The following PIK3C2G variants were observed in gnomAD, a reference collection of about 807,000 sequenced individuals.
PIK3C2G encodes the protein phosphatidylinositol-4-phosphate 3-kinase catalytic subunit type 2 gamma.
A neutral mutation model predicts 181.1 loss-of-function variants in PIK3C2G; 168 were observed. The observed-to-expected ratio is 0.93, with a 90% CI of 0.82 to 1.05. The LOEUF (loss-of-function observed/expected upper bound fraction) is 1.05, where lower values mean the gene tolerates loss of function less well. Ranked by LOEUF, PIK3C2G falls within the 50% of genes least tolerant of loss-of-function variation. The pLI, the probability that PIK3C2G is intolerant of heterozygous loss-of-function variation, is 0.00. For missense variants in PIK3C2G, 1,869 were observed against 1,732.8 expected (o/e 1.08, Z -1.40); for synonymous variants, 573 against 592.2 (o/e 0.97, Z 0.47).
chr12:18,299,588 A>G (rs1950091281), intron 5 of PIK3C2G, among the ~76,000 whole-genome samples: 2 of 151,934 alleles, frequency 1.3e-5, no homozygotes, highest in Admixed American at 6.6e-5. Flanking sequence ...GCTGAATAAG[A>G]GTGCTAAAGG....
At position 18,389,206 on chromosome 12, in the gene PIK3C2G, A is replaced by T. The variant is rs556980071; in HGVS notation, c.1996-1916A>T. Among the ~76,000 whole-genome samples the T allele has an allele frequency of 3.9e-5, 6 of 152,228 alleles. No individual in the cohort carries two copies. In the South Asian group the frequency reaches 1.2e-3, roughly 32 times the overall value. ...TCTCTACTAAAAATACAAAAAAATT[A>T]GCTGGGTGTGGTGGTGGGCACCTGT... On this transcript the variant is annotated intron_variant, in intron 14 of 32. Transcript: ENST00000538779.
chr12:18,691,015 G>A, the PIK3C2G span, among the ~76,000 whole-genome samples: 1 of 152,176 alleles, frequency 6.6e-6, no homozygotes, highest in South Asian at 2.1e-4. Flanking sequence ...ATGGAGGACT[G>A]AGACAGGCTA....
intron 18 of PIK3C2G, among the ~76,000 whole-genome samples, chr12:18,470,554 G>A (rs1013282488): frequency 1.3e-5 from 2 of 152,108 alleles, no homozygotes; most frequent in African/African-American, 4.8e-5. Context: ...AAACTCCTGT[G>A]CTTTAGAACA....
At chr12:18,641,438 C>A (rs1022308743) in intron 32 of PIK3C2G, among the ~76,000 whole-genome samples, 12 of 152,248 alleles carry the variant, frequency 7.9e-5, no homozygotes, top group Middle Eastern at 3.4e-3. Flanking sequence ...CTACTGACCA[C>A]AGCCCCATTC....
At chr12:18,443,839 T>C (rs1274953130) in intron 18 of PIK3C2G, among the ~76,000 whole-genome samples, 1 of 152,188 alleles carries the variant, frequency 6.6e-6, no homozygotes, top group Non-Finnish European at 1.5e-5. Context: ...TCTCTAAAAA[T>C]TGGATTGCCA....
chr12:18,486,504 C>T (rs896119758), intron 18 of PIK3C2G, among the ~76,000 whole-genome samples: 6 of 151,988 alleles, frequency 3.9e-5, no homozygotes, highest in Non-Finnish European at 7.4e-5. Context: ...TTCTGACAGT[C>T]CCTATAACCC....
At chr12:18,259,392 G>T (rs1948180794), upstream of PIK3C2G, among the ~76,000 whole-genome samples, 2 of 152,080 alleles carry the variant, frequency 1.3e-5, no homozygotes, top group Admixed American at 1.3e-4. Flanking sequence ...AGACAACTCT[G>T]CTAAGTTCTA....
At chr12:18,462,686 AAG>A (rs887809636) in intron 18 of PIK3C2G, among the ~76,000 whole-genome samples, 2 of 152,168 alleles carry the variant, frequency 1.3e-5, no homozygotes, top group African/African-American at 4.8e-5. Flanking sequence ...CCAAGTTTAA[AAG>A]AGAGGAAGTT....
chr12:18,447,894 T>A (rs1307083771), intron 18 of PIK3C2G, among the ~76,000 whole-genome samples: 1 of 152,158 alleles, frequency 6.6e-6, no homozygotes, highest in Non-Finnish European at 1.5e-5. Flanking sequence ...TGGTATTATT[T>A]AAAAGTATTA....
chr12:18,320,883 C>A, intron 6 of PIK3C2G, 79 bp from the exon 7 acceptor site: 1 of 739,642 alleles, frequency 1.4e-6, no homozygotes, highest in Non-Finnish European at 2.3e-6. Flanking sequence ...AAAATGACAG[C>A]AGGAAGTTAC....
intron 18 of PIK3C2G, among the ~76,000 whole-genome samples, chr12:18,437,454 A>C (rs373061407): frequency 6.6e-6 from 1 of 151,994 alleles, no homozygotes; most frequent in Non-Finnish European, 1.5e-5. Context: ...CCAATGAAAA[A>C]TGAACAGCTT....
In PIK3C2G at chr12:18,505,481, T is replaced by C. The variant is rs752660848; in HGVS notation, c.3323+20T>C. Reference sequence around the variant, plus strand: ...AAAAAGGTCAGTGCACAAATGTTTATTACAGTAATTAAGCAGTGTCCTAAG... The same window carrying C: ...AAAAAGGTCAGTGCACAAATGTTTACTACAGTAATTAAGCAGTGTCCTAAG... On this transcript the variant is annotated intron_variant, in intron 24 of 32. Coordinates refer to ENST00000538779, the MANE Select transcript of PIK3C2G (RefSeq NM_001288772.2). The C allele has an allele frequency of 1.3e-6, 2 of 1,589,720 alleles. No homozygotes were observed. Among genetic ancestry groups the C allele is most frequent in the South Asian group, 2.3e-5 (2 of 87,976 alleles).
chr12:18,273,438 A>C (rs1948830653), intron 1 of PIK3C2G, among the ~76,000 whole-genome samples: 2 of 152,070 alleles, frequency 1.3e-5, no homozygotes, highest in African/African-American at 4.8e-5. Flanking sequence ...TTGGCTTAGG[A>C]TTGACTTGGC....
chr12:18,250,327 G>C (rs1331810102), intron 1 of PIK3C2G, among the ~76,000 whole-genome samples: 3 of 151,958 alleles, frequency 2.0e-5, no homozygotes, highest in Non-Finnish European at 4.4e-5. Context: ...AAAACATTTT[G>C]TTATTATGAA....
At chr12:18,462,292 T>C (rs957049403) in intron 18 of PIK3C2G, among the ~76,000 whole-genome samples, 2 of 152,142 alleles carry the variant, frequency 1.3e-5, no homozygotes, top group African/African-American at 4.8e-5. Flanking sequence ...TATTAAAGTA[T>C]AAAGGGTCTA....
intron 24 of PIK3C2G, among the ~76,000 whole-genome samples, chr12:18,519,047 G>C (rs1409705742): frequency 6.6e-6 from 1 of 152,216 alleles, no homozygotes; most frequent in East Asian, 1.9e-4. Context: ...GTGGTTTTGA[G>C]TGAGTTTCTT....
Position 18,609,643 on chromosome 12 carries a change from G to A in PIK3C2G, c.4182+14G>A, listed in dbSNP as rs1477794162. 6 of 1,431,368 alleles carry A rather than the reference G, an allele frequency of 4.2e-6. No individual in the cohort carries two copies. In the African/African-American group the frequency reaches 4.2e-5, roughly 10 times the overall value. The allele number at this position is 1,431,368 out of a possible 1,614,324, so 88.7% of individuals were successfully genotyped here. A position where few individuals can be genotyped will look rare whatever the true frequency, so the allele number is the denominator to read the frequency against. On this transcript the variant is annotated intron_variant, in intron 31 of 32. Transcript: ENST00000538779. ...ATGAAAAACATTGTAAGTTTATTAT[G>A]TATAATAAGAAACATGTAAGCCTAC...
At chr12:18,364,916 C>A (rs1941530504) in intron 12 of PIK3C2G, among the ~76,000 whole-genome samples, 1 of 151,954 alleles carries the variant, frequency 6.6e-6, no homozygotes, top group Non-Finnish European at 1.5e-5. Context: ...CAAACAAAAC[C>A]ATTAATCAGT....
intron 5 of PIK3C2G, among the ~76,000 whole-genome samples, chr12:18,295,069 T>A (rs1222912557): frequency 6.7e-6 from 1 of 149,996 alleles, no homozygotes; most frequent in East Asian, 1.9e-4. Flanking sequence ...TAACAAAATA[T>A]ATTGTATTAA....
Sources: allele counts gnomAD v4.1 joint callset (sites outside exome capture counted in the v4.1 genomes callset), GRCh38; gene constraint gnomAD v4.1.1; transcripts MANE v1.5; gene names NCBI Gene and HGNC (gene_info 2026-07-23, HGNC 2026-07-21).